Variants in SNX29 observed in about 807,000 individuals in gnomAD.
The protein encoded by SNX29 is sorting nexin-29.
SNX29 carries 78 observed loss-of-function variants against 102.1 expected under a neutral mutation model. That is an observed-to-expected ratio of 0.76 (90% CI 0.64 to 0.92). The LOEUF is 0.92. Ranked by LOEUF, SNX29 falls within the 40% of genes least tolerant of loss-of-function variation. The pLI, the probability that SNX29 is intolerant of heterozygous loss-of-function variation, is 0.00. For missense variants in SNX29, 1,280 were observed against 1,061.7 expected, an observed-to-expected ratio of 1.21 and a Z score of -2.86; for synonymous variants, 580 against 414.5, an observed-to-expected ratio of 1.40 and a Z score of -4.85.
chr16:12,543,877 A>G (rs764483170), intron 20 of SNX29, among the ~76,000 whole-genome samples: 13 of 152,198 alleles, frequency 8.5e-5, no homozygotes, highest in East Asian at 1.9e-4. Flanking sequence ...TTACCACACT[A>G]CAAGAGCTTG....
chr16:12,527,975 C>A (rs1237482719), intron 20 of SNX29, among the ~76,000 whole-genome samples: 2 of 146,742 alleles, frequency 1.4e-5, no homozygotes, highest in Non-Finnish European at 3.0e-5. Flanking sequence ...CATGTGCCCA[C>A]CACCATGCCT....
At chr16:12,218,095 A>G (rs2077372763) in intron 14 of SNX29, among the ~76,000 whole-genome samples, 1 of 152,226 alleles carries the variant, frequency 6.6e-6, no homozygotes, top group Non-Finnish European at 1.5e-5. Flanking sequence ...TTGCAATGAT[A>G]AAAAAATTGT....
intron 18 of SNX29, among the ~76,000 whole-genome samples, chr16:12,423,561 C>T (rs2151596606): frequency 6.6e-6 from 1 of 152,146 alleles, no homozygotes; most frequent in Middle Eastern, 3.4e-3. Context: ...GCATTTGGGA[C>T]ATGCTTTTTT....
intron 20 of SNX29, among the ~76,000 whole-genome samples, chr16:12,538,906 T>C (rs1214185016): frequency 1.9e-5 from 2 of 104,910 alleles, no homozygotes; most frequent in African/African-American, 5.3e-5. Context: ...AATGACCTGT[T>C]CTAAGTGGGA....
In SNX29 at chr16:12,541,512, T is replaced by G. The variant is rs1490650089; in HGVS notation, c.2318+16671T>G. Among the ~76,000 whole-genome samples the G allele has an allele frequency of 4.6e-5, 7 of 152,034 alleles. 1 individual carries two copies. On this transcript the variant is annotated intron_variant, in intron 20 of 20. Coordinates refer to ENST00000566228, the MANE Select transcript of SNX29 (RefSeq NM_032167.5). ...AGACCTCTGTGATCTGAGTCCCAAG[T>G]CATAACCATTTCAGCATGTAGTTGT...
chr16:12,337,422 G>GCCTCGA (rs2081484601), intron 15 of SNX29, among the ~76,000 whole-genome samples: 1 of 152,062 alleles, frequency 6.6e-6, no homozygotes, highest in Non-Finnish European at 1.5e-5. Flanking sequence ...GTTCACCACA[G>GCCTCGA]CCTCGACCTC....
intron 14 of SNX29, among the ~76,000 whole-genome samples, chr16:12,201,780 G>T (rs1042820507): frequency 6.6e-6 from 1 of 152,154 alleles, no homozygotes; most frequent in Non-Finnish European, 1.5e-5. Flanking sequence ...CACAGAACTT[G>T]GATTCAGTAC....
At chr16:12,193,622 T>G (rs1372570208) in intron 13 of SNX29, among the ~76,000 whole-genome samples, 3 of 152,242 alleles carry the variant, frequency 2.0e-5, no homozygotes, top group African/African-American at 7.2e-5. Flanking sequence ...CTAAACCTTT[T>G]ATAGTTTTAA....
intron 11 of SNX29, among the ~76,000 whole-genome samples, chr16:12,113,697 A>G (rs982821942): frequency 6.6e-6 from 1 of 152,248 alleles, no homozygotes; most frequent in African/African-American, 2.4e-5. Flanking sequence ...GAGGCCAGTG[A>G]CAACAGATGT....
At chr16:12,528,762 G>A (rs890219298) in intron 20 of SNX29, among the ~76,000 whole-genome samples, 2 of 152,168 alleles carry the variant, frequency 1.3e-5, no homozygotes, top group African/African-American at 2.4e-5. Flanking sequence ...GGACATCCAC[G>A]TTACTCATGA....
chr16:12,300,029 C>T (rs770171226), intron 15 of SNX29, among the ~76,000 whole-genome samples: 10 of 152,112 alleles, frequency 6.6e-5, no homozygotes, highest in Admixed American at 2.0e-4. Context: ...TGCCACCACG[C>T]CTGGCTAATT....
At chr16:12,526,591 G>T (rs772029130) in intron 20 of SNX29, 6 of 531,318 alleles carry the variant, frequency 1.1e-5, no homozygotes, top group African/African-American at 1.9e-5. Flanking sequence ...GATAGTTCAC[G>T]TGAGGAGTTC....
At chr16:12,411,969 A>C (rs899534702) in intron 18 of SNX29, among the ~76,000 whole-genome samples, 1 of 152,210 alleles carries the variant, frequency 6.6e-6, no homozygotes, top group African/African-American at 2.4e-5. Flanking sequence ...CCCGTGTTCA[A>C]AAAAACTGTA....
At chr16:12,537,093 C>T (rs922051424) in intron 20 of SNX29, among the ~76,000 whole-genome samples, 28 of 152,172 alleles carry the variant, frequency 1.8e-4, no homozygotes, top group African/African-American at 6.8e-4. Context: ...GTATCTCCAC[C>T]CACGGTCAGT....
At chr16:12,449,610 G>A (rs982896182) in intron 18 of SNX29, among the ~76,000 whole-genome samples, 8 of 152,132 alleles carry the variant, frequency 5.3e-5, no homozygotes, top group Non-Finnish European at 1.0e-4. Flanking sequence ...CACCTCCCGT[G>A]CTCCAGCTGT....
chr16:12,120,427 C>T (rs2053924134), intron 11 of SNX29, among the ~76,000 whole-genome samples: 1 of 152,246 alleles, frequency 6.6e-6, no homozygotes, highest in South Asian at 2.1e-4. Flanking sequence ...TGTGCGCACA[C>T]ATGCGTCCAC....
intron 14 of SNX29, among the ~76,000 whole-genome samples, chr16:12,238,859 T>G (rs1010896397): frequency 6.6e-5 from 10 of 152,210 alleles, no homozygotes; most frequent in Admixed American, 5.9e-4. Context: ...CACTTTATCT[T>G]TCTGCTCTAC....
At chr16:12,288,585 C>T (rs1383678779) in intron 15 of SNX29, among the ~76,000 whole-genome samples, 3 of 151,290 alleles carry the variant, frequency 2.0e-5, no homozygotes, top group Admixed American at 6.6e-5. Flanking sequence ...AGAACCCTTG[C>T]AGGCTAAGCC....
At position 12,393,959 on chromosome 16, in the gene SNX29, G is replaced by C. The variant is rs75899492; in HGVS notation, c.1900-4487G>C. Among the ~76,000 whole-genome samples, 404 of 152,348 alleles carry C rather than the reference G, an allele frequency of 2.7e-3. 14 individuals are homozygous for C. In the East Asian group the frequency reaches 0.053, roughly 20 times the overall value. On this transcript the variant is annotated intron_variant, in intron 16 of 20. Transcript: ENST00000566228. ...TCTCACATCATCAGAGGAAGCCCAG[G>C]ATTAGAACTCAAAACATGTGCATTT... is the stretch of plus-strand genomic sequence containing the variant.
Sources: gnomAD v4.1 joint callset for allele counts (sites outside exome capture counted in the v4.1 genomes callset) on GRCh38, gnomAD v4.1.1 for gene constraint, MANE v1.5 for transcripts, NCBI Gene and HGNC (gene_info 2026-07-23, HGNC 2026-07-21) for gene names.